ALAS2: variants seen among roughly 807,000 people sequenced by gnomAD.
ALAS2 encodes the protein 5'-aminolevulinate synthase 2.
In ALAS2, 3 loss-of-function variants were observed where a neutral mutation model predicts 33.7. That is an observed-to-expected ratio of 0.09 (90% confidence interval 0.04 to 0.23). ALAS2 has a LOEUF of 0.23. Ranked by LOEUF, ALAS2 falls within the 10% of genes least tolerant of loss-of-function variation. The probability of loss-of-function intolerance (pLI) is 1.00; values close to 1 mark genes in which losing one functional copy is unlikely to be tolerated. For synonymous variants in ALAS2, 191 were observed against 177.3 expected, an observed-to-expected ratio of 1.08 and a Z score of -0.61; for missense variants, 304 against 475.1, an observed-to-expected ratio of 0.64 and a Z score of 3.35.
At chrX:55,019,621 C>T (rs1277879264) in intron 6 of ALAS2, among the ~76,000 whole-genome samples, 1 of 111,275 alleles carries the variant, frequency 9.0e-6, no homozygotes, top group East Asian at 2.8e-4. Flanking sequence ...TTAGTGACTC[C>T]TGTCTGAGCA....
rs1160363444 is a variant in ALAS2, at chrX:55,009,201, C to G, written c.1743G>C (p.Gln581His). 4.1e-6 allele frequency: 5 copies of G among 1,206,448 alleles called. No individual in the cohort carries two copies. The highest frequency in any genetic ancestry group is 5.6e-6 in the Non-Finnish European group (5 of 893,729). The stretch of plus-strand genomic sequence containing the variant: ...CTTCTCAGGCATAGGTGGTGACATA[C>G]TGGGGCCCCATGTTCCCGAAGTAGG... ...ERSYFGNMGP[Q>H]YVTTYA The change falls in exon 11 of 11, where the codon CAG becomes CAC. Residue 581 changes from glutamine (Q) to histidine (H), a missense_variant. Gln to His is a conservative substitution (Grantham distance 24). Around this residue, in one of 3 missense-constraint regions of ALAS2, gnomAD observed 95 missense variants for 127.0 expected, o/e 0.75. Transcript: ENST00000650242.
At chrX:55,024,637 T>A in intron 3 of ALAS2, 81 bp downstream of exon 3, 1 of 1,174,370 alleles carries the variant, frequency 8.5e-7, no homozygotes, top group South Asian at 1.8e-5. Flanking sequence ...GCTGCTTTTG[T>A]ATTAGCCTAG....
chrX:55,014,783 A>G lies in ALAS2; in HGVS notation c.1401T>C (p.Pro467=), dbSNP rs1027728516. The change falls in exon 9 of 11, where the codon CCT becomes CCC. Residue 467 remains proline (P), a synonymous_variant. Transcript: ENST00000650242. ...TGATGTGGCTGGGGCAGGGGATGAC[A>G]GGAAGGCCCCTGTCCATGAGTAGCT... ...MRQLLMDRGL[P]VIPCPSHIIP... 14 of 1,193,256 alleles carry G rather than the reference A, an allele frequency of 1.2e-5. No homozygotes were observed. The highest frequency in any genetic ancestry group is 1.1e-4 in the Admixed American group (5 of 44,969).
chrX:55,026,637 C>T (rs1427469171), intron 1 of ALAS2, among the ~76,000 whole-genome samples: 1 of 111,805 alleles, frequency 8.9e-6, no homozygotes, highest in African/African-American at 3.3e-5. Flanking sequence ...GAATTTGCTC[C>T]TGTCTCTTGG....
At position 55,013,666 on chromosome X, in the gene ALAS2, G is replaced by T. The variant is rs776507055; in HGVS notation, c.1438-18C>A. ...TTGCCCACCTGGACTCAGGAGAAAG[G>T]CTAATCAGTACCTGCCACTCTGGCT... On this transcript the variant is annotated intron_variant, in intron 9 of 10. Transcript: ENST00000650242. The T allele has an allele frequency of 1.7e-6, 2 of 1,209,201 alleles. No homozygotes were observed. Among genetic ancestry groups the T allele is most frequent in the Non-Finnish European group, 1.1e-6 (1 of 894,117 alleles).
rs1429060119 is a variant in ALAS2 at position 55,020,514 on chromosome X, A to G, written c.639-10T>C. 4.3e-6 allele frequency: 5 copies of G among 1,166,810 alleles called. No individual in the cohort carries two copies. The highest frequency in any genetic ancestry group is 5.7e-6 in the Non-Finnish European group (5 of 872,740). On this transcript the variant is annotated splice_polypyrimidine_tract_variant and intron_variant, in intron 5 of 10. Coordinates refer to ENST00000650242, the MANE Select transcript of ALAS2 (RefSeq NM_000032.5). ...ACGCTGCAGGGTCTCCCTGGCCAGG[A>G]GAAAACAGGAGAAAAGGAGAAAAAG...
In ALAS2 at chrX:55,017,598, T is replaced by A. The variant is rs776008173; in HGVS notation, c.891A>T (p.Ala297=). The change falls in exon 7 of 11, where the codon GCA becomes GCT. Residue 297 remains alanine, a synonymous_variant. Transcript: ENST00000650242. ...CATTGTGCCTGAAGACAAACTTGGC[T>A]GCTCCACTGTTACGGATACCTTGGA... The part of the protein sequence containing the change: ...SMIQGIRNSG[A]AKFVFRHNDP... 9.1e-6 allele frequency: 11 copies of A among 1,209,883 alleles called. No homozygotes were observed. Among genetic ancestry groups the A allele is most frequent in the Middle Eastern group, 2.3e-4 (1 of 4,354 alleles).
At chrX:55,029,024 A>C (rs1001828660) in intron 1 of ALAS2, among the ~76,000 whole-genome samples, 1 of 112,222 alleles carries the variant, frequency 8.9e-6, no homozygotes, top group Non-Finnish European at 1.9e-5. Context: ...AAGATAATCC[A>C]TATAAAGCAT....
chrX:55,024,344 T>C (rs912648456), intron 3 of ALAS2, among the ~76,000 whole-genome samples: 4 of 111,751 alleles, frequency 3.6e-5, no homozygotes, highest in African/African-American at 1.3e-4. Context: ...GCACCCTGGT[T>C]AAAGGAGGTA....
chrX:55,026,571 G>A (rs753225278), intron 1 of ALAS2, among the ~76,000 whole-genome samples: 1 of 111,764 alleles, frequency 8.9e-6, no homozygotes, highest in African/African-American at 3.3e-5. Flanking sequence ...CGGAAGGAAG[G>A]GTAGGCCCTA....
chrX:55,019,315 G>C (rs1250542654), intron 6 of ALAS2, among the ~76,000 whole-genome samples: 1 of 111,469 alleles, frequency 9.0e-6, no homozygotes, highest in African/African-American at 3.3e-5. Flanking sequence ...ACAAGAAAAA[G>C]GATACTTCTT....
At chrX:55,012,135 T>G (rs989465573) in intron 10 of ALAS2, among the ~76,000 whole-genome samples, 1 of 112,155 alleles carries the variant, frequency 8.9e-6, no homozygotes, top group African/African-American at 3.2e-5. Flanking sequence ...TTCCTTGAAT[T>G]CTCATACTGC....
At chrX:55,010,998 G>A (rs188919268) in intron 10 of ALAS2, among the ~76,000 whole-genome samples, 121 of 111,440 alleles carry the variant, frequency 1.1e-3, no homozygotes, top group Non-Finnish European at 2.0e-3. Context: ...GTGTGAGGGA[G>A]GGCATTCCAA....
chrX:55,015,357 C>T, intron 8 of ALAS2, among the ~76,000 whole-genome samples: 1 of 111,638 alleles, frequency 9.0e-6, no homozygotes, highest in Middle Eastern at 4.7e-3. Context: ...TTGAATCTAA[C>T]TATTTGGCCT....
intron 1 of ALAS2, among the ~76,000 whole-genome samples, chrX:55,028,552 C>T (rs1935932150): frequency 9.0e-6 from 1 of 111,640 alleles, no homozygotes; most frequent in South Asian, 3.8e-4. Context: ...GAAATTAACA[C>T]ACATCATTAC....
chrX:55,023,160 C>T (rs1935833689), intron 4 of ALAS2, among the ~76,000 whole-genome samples: 1 of 108,659 alleles, frequency 9.2e-6, no homozygotes, highest in South Asian at 4.0e-4. Flanking sequence ...ACACTTCTAA[C>T]AAAAGCATGG....
intron 10 of ALAS2, among the ~76,000 whole-genome samples, chrX:55,011,296 C>G (rs1380252621): frequency 8.9e-6 from 1 of 111,838 alleles, no homozygotes; most frequent in Non-Finnish European, 1.9e-5. Flanking sequence ...GTATAACTGT[C>G]AGTCTGTATA....
chrX:55,012,779 C>G (rs1243369427), intron 10 of ALAS2, among the ~76,000 whole-genome samples: 1 of 112,174 alleles, frequency 8.9e-6, no homozygotes, highest in East Asian at 2.8e-4. Flanking sequence ...GGCTACAGAG[C>G]CAGACTCTGT....
At chrX:55,015,062 C>T (rs960824167) in intron 8 of ALAS2, 47 bp from the exon 9 acceptor site, 1 of 1,173,443 alleles carries the variant, frequency 8.5e-7, no homozygotes, top group Non-Finnish European at 1.1e-6. Flanking sequence ...ATAATCAGTC[C>T]CAGAGCAACA....
Sources: gnomAD v4.1 joint callset for allele counts (sites outside exome capture counted in the v4.1 genomes callset) on GRCh38, gnomAD v4.1.1 for gene constraint, gnomAD v4.1.1 regional missense constraint, MANE v1.5 for transcripts, NCBI Gene and HGNC (gene_info 2026-07-23, HGNC 2026-07-21) for gene names.